ARL17B: variants seen among roughly 807,000 people sequenced by gnomAD.
ARL17B encodes ARF like GTPase 17B.
intron 4 of ARL17B, among the ~76,000 whole-genome samples, chr17:46,278,264 T>C (rs2049647390): frequency 6.6e-6 from 1 of 152,214 alleles, no homozygotes; most frequent in Non-Finnish European, 1.5e-5. Context: ...TTTCTTATAC[T>C]GCTCTTTCTT....
intron 3 of ARL17B, among the ~76,000 whole-genome samples, chr17:46,350,443 A>G (rs1188793950): frequency 5.1e-5 from 4 of 78,906 alleles, no homozygotes; most frequent in Non-Finnish European, 1.4e-4. Flanking sequence ...ATGAACCAAA[A>G]TCTAATCAAG....
intron 3 of ARL17B, among the ~76,000 whole-genome samples, chr17:46,317,147 G>C (rs1319530464): frequency 2.2e-5 from 2 of 89,600 alleles, no homozygotes; most frequent in Non-Finnish European, 3.2e-5. Context: ...AGATGGGGTG[G>C]CGGCCGGGCA....
chr17:46,284,713 T>C (rs1341493860), intron 4 of ARL17B, among the ~76,000 whole-genome samples: 1 of 152,230 alleles, frequency 6.6e-6, no homozygotes, highest in Non-Finnish European at 1.5e-5. Flanking sequence ...AAGTGTGGAA[T>C]CATTACCACA....
intron 4 of ARL17B, among the ~76,000 whole-genome samples, chr17:46,281,194 G>A (rs1480620143): frequency 2.0e-5 from 3 of 152,204 alleles, no homozygotes; most frequent in East Asian, 3.9e-4. Context: ...TTGTCCACCT[G>A]GCTTATAATG....
intron 4 of ARL17B, among the ~76,000 whole-genome samples, chr17:46,278,381 GTTCTGTTTTGTTTTA>G (rs1226550192): frequency 8.7e-6 from 1 of 115,274 alleles, no homozygotes; most frequent in Admixed American, 9.3e-5. Flanking sequence ...GTTTTGTTTT[GTTCTGTTTTGTTTTA>G]TTTTGTTTTT....
At chr17:46,279,229 G>A (rs1246363878) in intron 4 of ARL17B, among the ~76,000 whole-genome samples, 2 of 148,944 alleles carry the variant, frequency 1.3e-5, no homozygotes, top group African/African-American at 2.5e-5. Flanking sequence ...TGTCGCCTAG[G>A]CTGGAGTGCA....
chr17:46,290,795 G>A (rs2050046363), intron 4 of ARL17B, among the ~76,000 whole-genome samples: 1 of 152,200 alleles, frequency 6.6e-6, no homozygotes, highest in Non-Finnish European at 1.5e-5. Flanking sequence ...TCATATAGAT[G>A]TCTATGAAAA....
chr17:46,305,565 CAT>C (rs1472656713), intron 3 of ARL17B: 3 of 368,940 alleles, frequency 8.1e-6, no homozygotes, highest in African/African-American at 7.2e-5. Context: ...GAACCACTAC[CAT>C]TTTTGAAGTT....
At chr17:46,332,795 G>A (rs374638896), downstream of ARL17B, 5 of 363,380 alleles carry the variant, frequency 1.4e-5, no homozygotes, top group East Asian at 2.3e-4. Context: ...AGGCTGAGGT[G>A]TATGCTTTGT....
Position 46,284,612 on chromosome 17 carries a change from C to T in ARL17B, c.*22-9194G>A, listed in dbSNP as rs1376051156. Among the ~76,000 whole-genome samples the T allele has an allele frequency of 2.6e-5, 4 of 152,202 alleles. No homozygotes were observed. The East Asian group carries it at 5.8e-4, about 22-fold the overall frequency. ...GGGGGTGGAACACAAGCTTAGAAGT[C>T]ACAAAATCAGTATTCTGGGCCCTAC... On this transcript the variant is annotated intron_variant, in intron 4 of 4. Coordinates refer to the ARL17B transcript ENST00000570618.
intron 3 of ARL17B, among the ~76,000 whole-genome samples, chr17:46,327,131 C>T (rs1443042801): frequency 1.2e-4 from 10 of 86,316 alleles, no homozygotes; most frequent in Admixed American, 5.8e-4. Context: ...TCCCACAATC[C>T]GGATTTGTCT....
intron 4 of ARL17B, among the ~76,000 whole-genome samples, chr17:46,281,857 T>G (rs1190432308): frequency 1.3e-5 from 2 of 152,148 alleles, no homozygotes; most frequent in Non-Finnish European, 2.9e-5. Flanking sequence ...TTGGCCAGGC[T>G]GGTCTCAAAC....
At chr17:46,277,637 T>TTTTCTTTTCTTTTCTTTCTTTC (rs1555610945) in intron 4 of ARL17B, among the ~76,000 whole-genome samples, 1 of 150,258 alleles carries the variant, frequency 6.7e-6, no homozygotes, top group Non-Finnish European at 1.5e-5. Flanking sequence ...TTTTCTTTTC[T>TTTTCTTTTCTTTTCTTTCTTTC]TTTCTTTCTT....
chr17:46,291,980 A>AC (rs1481687574), intron 4 of ARL17B, among the ~76,000 whole-genome samples: 6 of 123,252 alleles, frequency 4.9e-5, no homozygotes, highest in Non-Finnish European at 7.2e-5. Flanking sequence ...AAAAAAAAAA[A>AC]AAAAAAAGCC....
intron 4 of ARL17B, among the ~76,000 whole-genome samples, chr17:46,282,546 C>T (rs1186324099): frequency 6.6e-6 from 1 of 151,636 alleles, no homozygotes; most frequent in Non-Finnish European, 1.5e-5. Flanking sequence ...TCCCAAGTAG[C>T]TGGGACTATA....
chr17:46,278,406 T>G (rs559917814), intron 4 of ARL17B, among the ~76,000 whole-genome samples: 2 of 140,712 alleles, frequency 1.4e-5, no homozygotes, highest in East Asian at 2.0e-4. Flanking sequence ...ATTTTGTTTT[T>G]TTTTTGTTGT....
chr17:46,279,494 T>C (rs2143332178), intron 4 of ARL17B, among the ~76,000 whole-genome samples: 1 of 132,810 alleles, frequency 7.5e-6, no homozygotes. Context: ...TTTTTTTTCT[T>C]TCTTTCTTTT....
intron 3 of ARL17B, chr17:46,302,498 A>G: frequency 1.1e-5 from 2 of 175,178 alleles, no homozygotes; most frequent in Non-Finnish European, 2.7e-5. Flanking sequence ...ATATAAGAAA[A>G]GGTTTGAATG....
chr17:46,288,187 G>C (rs187499248), intron 4 of ARL17B, among the ~76,000 whole-genome samples: 15 of 152,048 alleles, frequency 9.9e-5, no homozygotes, highest in African/African-American at 3.6e-4. Context: ...TATAACCCAG[G>C]CTGCAGGGCA....
Sources: allele counts gnomAD v4.1 joint callset (sites outside exome capture counted in the v4.1 genomes callset), GRCh38; gene constraint gnomAD v4.1.1; transcripts MANE v1.5; gene names NCBI Gene and HGNC (gene_info 2026-07-23, HGNC 2026-07-21).